Variants in TTLL6 observed in about 807,000 individuals in gnomAD.
The protein encoded by TTLL6 is tubulin tyrosine ligase like 6, also known as tubulin polyglutamylase TTLL6.
Under a neutral mutation model 96.4 loss-of-function variants are expected in TTLL6, and 75 were observed. That is an observed-to-expected ratio of 0.78 (90% CI 0.65 to 0.94). TTLL6 has a LOEUF of 0.94. Ranked by LOEUF, TTLL6 falls within the 40% of genes least tolerant of loss-of-function variation. TTLL6 has a pLI of 0.00. For synonymous variants in TTLL6, 411 were observed against 419.4 expected, an observed-to-expected ratio of 0.98 and a Z score of 0.24; for missense variants, 1,030 against 1,093.0, an observed-to-expected ratio of 0.94 and a Z score of 0.81.
intron 1 of TTLL6, among the ~76,000 whole-genome samples, chr17:48,806,861 T>C (rs1376985670): frequency 6.6e-6 from 1 of 151,652 alleles, no homozygotes; most frequent in Non-Finnish European, 1.5e-5. Context: ...CAAAACCCCA[T>C]ATCTACTAAA....
intron 6 of TTLL6, 114 bp downstream of exon 6, chr17:48,799,490 G>T: frequency 8.7e-7 from 1 of 1,150,744 alleles, no homozygotes; most frequent in Non-Finnish European, 1.2e-6. Flanking sequence ...GCAGAAGCCA[G>T]GTCAGCTCCA....
At chr17:48,774,252 T>TTTTTTTTA in intron 13 of TTLL6, among the ~76,000 whole-genome samples, 1 of 98,468 alleles carries the variant, frequency 1.0e-5, no homozygotes, top group Admixed American at 1.1e-4. Flanking sequence ...TTTTTTTTTT[T>TTTTTTTTA]GAGACGGAGT....
intron 10 of TTLL6, among the ~76,000 whole-genome samples, chr17:48,789,381 T>C (rs1239185248): frequency 1.3e-5 from 2 of 152,228 alleles, no homozygotes; most frequent in African/African-American, 2.4e-5. Context: ...ATATATATTA[T>C]AGTGCCAGGC....
At chr17:48,805,683 C>G (rs8073596) in intron 1 of TTLL6, among the ~76,000 whole-genome samples, 1 of 152,106 alleles carries the variant, frequency 6.6e-6, no homozygotes, top group Non-Finnish European at 1.5e-5. Flanking sequence ...ACTCAAAATG[C>G]CAAATATCGC....
intron 8 of TTLL6, among the ~76,000 whole-genome samples, chr17:48,795,092 C>T (rs1045098845): frequency 2.0e-5 from 3 of 152,086 alleles, no homozygotes; most frequent in African/African-American, 7.2e-5. Flanking sequence ...CTTTGGGAGG[C>T]TGAGGTGGGA....
chr17:48,782,938 C>A (rs1409560508), intron 13 of TTLL6, among the ~76,000 whole-genome samples: 1 of 152,036 alleles, frequency 6.6e-6, no homozygotes, highest in Non-Finnish European at 1.5e-5. Flanking sequence ...GTCTTGAACT[C>A]CTGACCTCAG....
intron 1 of TTLL6, among the ~76,000 whole-genome samples, chr17:48,809,479 AC>A (rs914149248): frequency 6.6e-6 from 1 of 152,150 alleles, no homozygotes; most frequent in Admixed American, 6.5e-5. Context: ...CCTGAGTTTG[AC>A]CTCTAGAAGT....
chr17:48,798,830 T>C (rs915913852), intron 6 of TTLL6, among the ~76,000 whole-genome samples: 6 of 149,680 alleles, frequency 4.0e-5, no homozygotes, highest in Non-Finnish European at 6.0e-5. Flanking sequence ...TTTTTTTTTT[T>C]TTTTTTTTGA....
chr17:48,769,905 GA>G lies in TTLL6; in HGVS notation c.2232del (p.Leu745CysfsTer19). On this transcript the variant is annotated frameshift_variant, in exon 14 of 16. Transcript: ENST00000393382. LOFTEE classifies it high-confidence loss of function. ...HLTQKKMLKS[F>X]LPTKSKSFWE... ...CAGAAGCTCTTGGATTTTGTGGGCA[GA>G]AAAGATTTTAACATTTTCTTCTGGG... is the stretch of plus-strand genomic sequence containing the variant. 6.2e-7 allele frequency: 1 copy of G among 1,614,186 alleles called. No individual in the cohort carries two copies.
chr17:48,796,029 G>T, intron 8 of TTLL6, 32 bp downstream of exon 8: 1 of 1,529,470 alleles, frequency 6.5e-7, no homozygotes, highest in Non-Finnish European at 8.9e-7. Flanking sequence ...GGTTGGTAGG[G>T]AAAGGAAAGA....
rs1406175736 is a variant in TTLL6, at chr17:48,769,067, C to T, written c.2598G>A (p.Met866Ile). Residue 866 changes from methionine to isoleucine, a missense_variant, in exon 15 of 16, where the codon ATG becomes ATA. Transcript: ENST00000393382. ...CTTGATCCTGCATACATGGGTCCCT[C>T]ATAGCACTTGCGTGGCTTCTACAAG... is the stretch of plus-strand genomic sequence containing the variant. ...PRPCRSHASA[M>I]RDPCMQDQEA... The T allele has an allele frequency of 1.9e-6, 3 of 1,614,076 alleles. No individual in the cohort carries two copies. In the African/African-American group the frequency reaches 4.0e-5, roughly 22 times the overall value.
At chr17:48,787,701 G>T in intron 11 of TTLL6, 110 bp downstream of exon 11, 2 of 1,159,618 alleles carry the variant, frequency 1.7e-6, no homozygotes, top group Non-Finnish European at 2.4e-6. Context: ...TGGTTGCTCT[G>T]GCAACTTTCA....
At chr17:48,816,288 C>A (rs2039666429) in intron 1 of TTLL6, among the ~76,000 whole-genome samples, 1 of 151,054 alleles carries the variant, frequency 6.6e-6, no homozygotes. Flanking sequence ...CCACCTCCAT[C>A]TCTTAAAACA....
chr17:48,799,735 T>G lies in TTLL6; in HGVS notation c.637A>C (p.Arg213=), dbSNP rs552089170. 29 of 1,551,720 alleles carry G rather than the reference T, an allele frequency of 1.9e-5. No individual in the cohort carries two copies. Among genetic ancestry groups the G allele is most frequent in the East Asian group, 2.4e-5 (1 of 40,920 alleles). ...ATGTATGTCTTATTTTTTCTTGACC[T>G]GCTGTAGGTCTGCAAATCTCCCCAG... ...ADWGDLQTYS[R]SRKNKTYICK... is the part of the protein sequence containing the mutation. Residue 213 remains arginine (R), a synonymous_variant, in exon 6 of 16, where the codon AGG becomes CGG. Coordinates refer to ENST00000393382, the MANE Select transcript of TTLL6 (RefSeq NM_001130918.3).
At chr17:48,801,486 T>A in intron 4 of TTLL6, 39 bp downstream of exon 4, 1 of 1,551,332 alleles carries the variant, frequency 6.4e-7, no homozygotes, top group Non-Finnish European at 8.7e-7. Flanking sequence ...CCGGGTAAGA[T>A]GGCACACTTA....
intron 11 of TTLL6, among the ~76,000 whole-genome samples, chr17:48,786,998 T>G (rs2039112827): frequency 6.6e-6 from 1 of 151,908 alleles, no homozygotes; most frequent in South Asian, 2.1e-4. Flanking sequence ...CTCGGCTAAT[T>G]TTTTGTATTT....
In TTLL6 at chr17:48,789,966, C is replaced by G. The variant is rs1172061205; in HGVS notation, c.1365G>C (p.Gly455=). The G allele has an allele frequency of 6.2e-7, 1 of 1,614,056 alleles. No homozygotes were observed. The highest frequency in any genetic ancestry group is 2.2e-5 in the East Asian group (1 of 44,898). Residue 455 remains glycine (G), a synonymous_variant, in exon 10 of 16, where the codon GGG becomes GGC. Transcript: ENST00000393382. ...KKVLEEERQR[G]QFLQQCCSRE... ...GAGAACAACACTGCTGCAGGAACTG[C>G]CCCCGTTGTCTCTCCTCCTCCAAGA...
At chr17:48,785,330 C>G (rs1323534499) in intron 12 of TTLL6, 129 bp from the exon 13 acceptor site, 89 of 1,356,308 alleles carry the variant, frequency 6.6e-5, no homozygotes, top group Non-Finnish European at 8.2e-5. Context: ...TAAAGTCTCT[C>G]TAATGTGGGG....
chr17:48,791,236 G>C, intron 9 of TTLL6, 142 bp downstream of exon 9: 1 of 700,230 alleles, frequency 1.4e-6, no homozygotes, highest in Non-Finnish European at 2.4e-6. Flanking sequence ...AGCTAAGAGA[G>C]AAGCCCCAGG....
Sources: allele counts gnomAD v4.1 joint callset (sites outside exome capture counted in the v4.1 genomes callset), GRCh38; gene constraint gnomAD v4.1.1; transcripts MANE v1.5; gene names NCBI Gene and HGNC (gene_info 2026-07-23, HGNC 2026-07-21).